The following MICAL3 variants were observed in gnomAD, a reference collection of about 807,000 sequenced individuals.
MICAL3 encodes the protein microtubule associated monooxygenase, calponin and LIM domain containing 3.
Under a neutral mutation model 207.4 loss-of-function variants are expected in MICAL3, and 62 were observed. That is an observed-to-expected ratio of 0.30 (90% CI 0.24 to 0.37). MICAL3 has a LOEUF of 0.37. Among genes scored for constraint, MICAL3 ranks in the 10% least tolerant of loss-of-function variants. The pLI, the probability that MICAL3 is intolerant of heterozygous loss-of-function variation, is 1.00. For missense variants in MICAL3, 2,368 were observed against 2,635.6 expected (o/e 0.90, Z 2.22); for synonymous variants, 1,077 against 1,069.3 (o/e 1.01, Z -0.14).
At chr22:17,858,057 T>C (rs1926114453) in intron 19 of MICAL3, among the ~76,000 whole-genome samples, 1 of 152,196 alleles carries the variant, frequency 6.6e-6, no homozygotes, top group Admixed American at 6.5e-5. Context: ...GGAAGTAAAA[T>C]GGAGCTGGTG....
At chr22:17,819,222 C>G in intron 25 of MICAL3, 93 bp from the exon 26 acceptor site, 1 of 1,273,804 alleles carries the variant, frequency 7.9e-7, no homozygotes, top group African/African-American at 1.5e-5. Flanking sequence ...AGTGCCTGCA[C>G]CTGTGCCTGC....
chr22:17,906,888 T>C lies in MICAL3; in HGVS notation c.-74-2A>G. Reference sequence around the variant, plus strand: ...TCCACCTGACACTGTCACGTTAATCTGACAAAAAGAAAGAAAAACGTGGTT... The same window carrying C: ...TCCACCTGACACTGTCACGTTAATCCGACAAAAAGAAAGAAAAACGTGGTT... On this transcript the variant is annotated splice_acceptor_variant, in intron 1 of 31. Coordinates refer to ENST00000441493, the MANE Select transcript of MICAL3 (RefSeq NM_015241.3). LOFTEE classifies it low-confidence loss of function (5UTR_SPLICE). 2 of 1,403,730 alleles carry C rather than the reference T, an allele frequency of 1.4e-6. No homozygotes were observed. The highest frequency in any genetic ancestry group is 1.9e-6 in the Non-Finnish European group (2 of 1,034,558). The allele number at this position is 1,403,730 out of a possible 1,614,324, so 87.0% of individuals were successfully genotyped here.
chr22:17,903,651 C>G (rs921901355), intron 3 of MICAL3, among the ~76,000 whole-genome samples: 17 of 152,326 alleles, frequency 1.1e-4, no homozygotes, highest in Non-Finnish European at 2.2e-4. Flanking sequence ...ACTTGTTAAG[C>G]TCTGCGCTAG....
chr22:17,801,973 C>T (rs1376640780), intron 29 of MICAL3, among the ~76,000 whole-genome samples: 1 of 152,058 alleles, frequency 6.6e-6, no homozygotes, highest in Non-Finnish European at 1.5e-5. Context: ...GGTGTGTTAC[C>T]GGCATCTTGA....
intron 19 of MICAL3, among the ~76,000 whole-genome samples, chr22:17,843,908 A>G (rs1346442983): frequency 6.6e-6 from 1 of 151,380 alleles, no homozygotes; most frequent in Non-Finnish European, 1.5e-5. Flanking sequence ...GTGCAGTGGC[A>G]CGATCTCTGC....
chr22:17,872,707 T>C, intron 16 of MICAL3: 1 of 1,231,336 alleles, frequency 8.1e-7, no homozygotes, highest in Non-Finnish European at 1.2e-6. Flanking sequence ...CCCATGGCTG[T>C]GCTGGGTCTA....
intron 28 of MICAL3, among the ~76,000 whole-genome samples, chr22:17,810,110 TG>T (rs1434080330): frequency 6.9e-6 from 1 of 145,536 alleles, no homozygotes; most frequent in South Asian, 2.3e-4. Context: ...TCGCCTAGGC[TG>T]GGGTGCAGTG....
At chr22:17,830,014 G>C (rs938311051) in intron 21 of MICAL3, among the ~76,000 whole-genome samples, 2 of 152,160 alleles carry the variant, frequency 1.3e-5, no homozygotes, top group Non-Finnish European at 2.9e-5. Flanking sequence ...GGCAAATTTT[G>C]GATGGCTGCC....
At chr22:17,952,848 G>A (rs1488516510) in intron 1 of MICAL3, among the ~76,000 whole-genome samples, 1 of 152,198 alleles carries the variant, frequency 6.6e-6, no homozygotes, top group Non-Finnish European at 1.5e-5. Context: ...GTGGCTCTGG[G>A]GGAGTTCTTA....
At chr22:17,909,355 C>G (rs1007541447) in intron 1 of MICAL3, among the ~76,000 whole-genome samples, 1 of 152,114 alleles carries the variant, frequency 6.6e-6, no homozygotes, top group Admixed American at 6.6e-5. Flanking sequence ...GAAACCCTAT[C>G]TCTACCAAAA....
At chr22:17,978,507 G>C (rs532199424) in intron 1 of MICAL3, among the ~76,000 whole-genome samples, 22 of 151,362 alleles carry the variant, frequency 1.5e-4, no homozygotes, top group East Asian at 3.9e-4. Flanking sequence ...TAAAACCATT[G>C]AACTGTACAC....
At chr22:17,826,630 G>T in intron 22 of MICAL3, 1 of 382,302 alleles carries the variant, frequency 2.6e-6, no homozygotes, top group Non-Finnish European at 3.6e-6. Context: ...AAGGCATTCA[G>T]GACAGACGCC....
At chr22:17,797,369 C>A (rs1380602696) in intron 29 of MICAL3, among the ~76,000 whole-genome samples, 3 of 152,142 alleles carry the variant, frequency 2.0e-5, no homozygotes, top group African/African-American at 4.8e-5. Context: ...GTGTGAGTAT[C>A]TATAGTCCCA....
chr22:17,877,915 C>G (rs533456171), intron 16 of MICAL3, among the ~76,000 whole-genome samples: 4 of 151,982 alleles, frequency 2.6e-5, no homozygotes, highest in Non-Finnish European at 5.9e-5. Flanking sequence ...TGCAGTGGCG[C>G]GATCTTGGCT....
At chr22:17,862,743 C>G (rs549073341) in intron 19 of MICAL3, 6 of 985,470 alleles carry the variant, frequency 6.1e-6, no homozygotes, top group African/African-American at 1.7e-5. Context: ...GTGAGCTCAC[C>G]GGGAGGCAAG....
chr22:17,877,291 AGGTTAGGGAGGTTATGG>A (rs2146194227), intron 16 of MICAL3, among the ~76,000 whole-genome samples: 1 of 131,640 alleles, frequency 7.6e-6, no homozygotes, highest in East Asian at 2.1e-4. Context: ...GAGGTTATGG[AGGTTAGGGAGGTTATGG>A]AGGTTAGGGA....
intron 1 of MICAL3, among the ~76,000 whole-genome samples, chr22:17,976,629 G>T (rs1162067260): frequency 1.7e-5 from 2 of 117,374 alleles, no homozygotes; most frequent in African/African-American, 6.5e-5. Flanking sequence ...TCACTCTGTC[G>T]CCCAGGCTGG....
intron 1 of MICAL3, among the ~76,000 whole-genome samples, chr22:17,932,745 A>C (rs1201363315): frequency 1.3e-5 from 2 of 152,166 alleles, no homozygotes. Context: ...ACAAAGATGC[A>C]CATAGGCTGA....
At chr22:17,849,310 T>C (rs1924982920) in intron 19 of MICAL3, among the ~76,000 whole-genome samples, 1 of 152,188 alleles carries the variant, frequency 6.6e-6, no homozygotes, top group Non-Finnish European at 1.5e-5. Context: ...CCCTAGTCTC[T>C]AAGAGTCCTT....
Sources: gnomAD v4.1 joint callset for allele counts (sites outside exome capture counted in the v4.1 genomes callset) on GRCh38, gnomAD v4.1.1 for gene constraint, MANE v1.5 for transcripts, NCBI Gene and HGNC (gene_info 2026-07-23, HGNC 2026-07-21) for gene names.